COL28A1: variants seen among roughly 807,000 people sequenced by gnomAD.
COL28A1 encodes the protein collagen alpha-1(XXVIII) chain.
A neutral mutation model predicts 150.2 loss-of-function variants in COL28A1; 161 were observed. The ratio of observed to expected loss-of-function variants is 1.07; its 90% confidence interval spans 0.94 to 1.22. COL28A1 has a LOEUF of 1.22. Among genes scored for constraint, COL28A1 ranks in the 50% most tolerant of loss-of-function variants. The pLI is 0.00. For synonymous variants in COL28A1, 552 were observed against 469.7 expected (o/e 1.18, Z -2.26); for missense variants, 1,617 against 1,388.3 (o/e 1.16, Z -2.62).
In COL28A1 at chr7:7,426,992, A is replaced by G. The variant is rs114018787; in HGVS notation, c.1998+5481T>C. ...CAAGTCTGCATGATCAAAAATAACA[A>G]TATGTTTATGGTGATGTGGGCAATG... On this transcript the variant is annotated intron_variant, in intron 25 of 34. Coordinates refer to ENST00000399429, the MANE Select transcript of COL28A1 (RefSeq NM_001037763.3). 7.1e-3 allele frequency among the ~76,000 whole-genome samples: 1,080 copies of G among 152,300 alleles called. 18 individuals are homozygous for G. The highest frequency in any genetic ancestry group is 0.025 in the African/African-American group (1,032 of 41,560).
At position 7,515,664 on chromosome 7, in the gene COL28A1, G is replaced by T. The variant is rs142753370; in HGVS notation, c.882+150C>A. On this transcript the variant is annotated intron_variant, in intron 8 of 34. Transcript: ENST00000399429. ...CTTACAACACACATCCATATGTTAA[G>T]TTCTATTATTATTTTATGTTAACTC... The T allele has an allele frequency of 4.5e-3, 2,941 of 655,200 alleles. 9 individuals carry two copies. Among genetic ancestry groups the T allele is most frequent in the Non-Finnish European group, 6.3e-3 (2,292 of 364,086 alleles). The allele number at this position is 655,200 out of a possible 1,614,324, so 40.6% of individuals were successfully genotyped here. A position where few individuals can be genotyped will look rare whatever the true frequency, so the allele number is the denominator to read the frequency against.
intron 31 of COL28A1, 118 bp downstream of exon 31, chr7:7,375,343 C>A: frequency 1.1e-6 from 1 of 933,780 alleles, no homozygotes; most frequent in Non-Finnish European, 1.5e-6. Flanking sequence ...TTCAAATGAG[C>A]TTCACATTTT....
chr7:7,465,697 G>A (rs1302660717), intron 15 of COL28A1, among the ~76,000 whole-genome samples: 4 of 54,418 alleles, frequency 7.4e-5, no homozygotes, highest in East Asian at 5.0e-4. Flanking sequence ...GCAGACTTAA[G>A]TGTCCCTGTC....
chr7:7,482,180 T>A (rs1467340958), intron 13 of COL28A1, among the ~76,000 whole-genome samples: 1 of 152,206 alleles, frequency 6.6e-6, no homozygotes, highest in African/African-American at 2.4e-5. Context: ...TTCAGTAGAA[T>A]CTTTGTCAGC....
chr7:7,412,901 A>T (rs1026111916), intron 27 of COL28A1, among the ~76,000 whole-genome samples: 5 of 152,130 alleles, frequency 3.3e-5, no homozygotes, highest in African/African-American at 1.2e-4. Flanking sequence ...TAAGGTTACA[A>T]CTAGAAAAAA....
intron 3 of COL28A1, among the ~76,000 whole-genome samples, chr7:7,528,754 A>C (rs1782172433): frequency 6.6e-6 from 1 of 152,158 alleles, no homozygotes; most frequent in East Asian, 1.9e-4. Flanking sequence ...ACAAAGAGAT[A>C]TGAGGCAATT....
At chr7:7,502,390 A>G (rs962279314) in intron 11 of COL28A1, among the ~76,000 whole-genome samples, 7 of 152,220 alleles carry the variant, frequency 4.6e-5, no homozygotes, top group Non-Finnish European at 1.0e-4. Context: ...AAAATGGGCC[A>G]GGAGCACATT....
chr7:7,538,030 C>T (rs1400061436), upstream of COL28A1, among the ~76,000 whole-genome samples: 1 of 152,172 alleles, frequency 6.6e-6, no homozygotes, highest in African/African-American at 2.4e-5. Flanking sequence ...TGGAGTCCAA[C>T]TTAGTCATCC....
At chr7:7,451,220 T>A (rs922476989) in intron 18 of COL28A1, among the ~76,000 whole-genome samples, 2 of 151,986 alleles carry the variant, frequency 1.3e-5, no homozygotes, top group East Asian at 3.9e-4. Flanking sequence ...GTGAGTATAT[T>A]TGAAATACTT....
intron 27 of COL28A1, among the ~76,000 whole-genome samples, chr7:7,402,427 A>G (rs996713634): frequency 1.3e-5 from 2 of 152,194 alleles, no homozygotes; most frequent in Non-Finnish European, 2.9e-5. Context: ...CTCTTTGTTC[A>G]ATACTTTTAT....
intron 27 of COL28A1, among the ~76,000 whole-genome samples, chr7:7,401,881 T>C (rs893104296): frequency 6.6e-6 from 1 of 152,170 alleles, no homozygotes; most frequent in Non-Finnish European, 1.5e-5. Flanking sequence ...TCCTCAAATA[T>C]GGCAGGCATG....
chr7:7,453,493 T>C lies in COL28A1; in HGVS notation c.1387A>G (p.Ile463Val), dbSNP rs577614330. Reference sequence around the variant, plus strand: ...GGCCCTTGTGGACCAGGTGGACCAATAGGACCTTGGATTCCCTTTAAAATA... The same window carrying C: ...GGCCCTTGTGGACCAGGTGGACCAACAGGACCTTGGATTCCCTTTAAAATA... ...SQGEQGIQGPIGPPGPQGPAG... is the reference protein window; with the variant it reads ...SQGEQGIQGPVGPPGPQGPAG... The change falls in exon 17 of 35, where the codon ATT becomes GTT. Residue 463 changes from isoleucine to valine, a missense_variant. Physicochemically the swap from Ile to Val is conservative, Grantham distance 29 (BLOSUM62 3). Coordinates refer to ENST00000399429, the MANE Select transcript of COL28A1 (RefSeq NM_001037763.3). 108 of 1,166,594 alleles carry C rather than the reference T, an allele frequency of 9.3e-5. 3 individuals carry two copies. The South Asian group carries it at 1.1e-3, about 11-fold the overall frequency. The allele number at this position is 1,166,594 out of a possible 1,614,324, so 72.3% of individuals were successfully genotyped here.
At chr7:7,471,196 C>G (rs534455598) in intron 15 of COL28A1, among the ~76,000 whole-genome samples, 1 of 139,812 alleles carries the variant, frequency 7.2e-6, no homozygotes, top group African/African-American at 2.7e-5. Flanking sequence ...ATACTCTTAA[C>G]AGACCAATAA....
At chr7:7,486,339 G>C (rs1480378030) in intron 13 of COL28A1, among the ~76,000 whole-genome samples, 1 of 152,084 alleles carries the variant, frequency 6.6e-6, no homozygotes, top group African/African-American at 2.4e-5. Context: ...GGAGGTTTTT[G>C]TATAGATTTC....
chr7:7,455,960 T>C (rs1430206607), intron 16 of COL28A1, 84 bp downstream of exon 16: 20 of 1,567,070 alleles, frequency 1.3e-5, no homozygotes, highest in Non-Finnish European at 2.6e-6. Context: ...TACTCATAGA[T>C]GTTTGCAGGA....
the COL28A1 span, among the ~76,000 whole-genome samples, chr7:7,345,860 C>T: frequency 6.6e-6 from 1 of 151,992 alleles, no homozygotes; most frequent in Non-Finnish European, 1.5e-5. Flanking sequence ...TTAGCATATT[C>T]ACCCTGCTTG....
chr7:7,385,147 G>A (rs1782105345), intron 27 of COL28A1, among the ~76,000 whole-genome samples: 1 of 152,190 alleles, frequency 6.6e-6, no homozygotes, highest in Non-Finnish European at 1.5e-5. Context: ...AAATAGTATA[G>A]GAACGATATC....
rs1259859141 is a variant in COL28A1, at chr7:7,381,454, G to A, written c.2205+90C>T. On this transcript the variant is annotated intron_variant, in intron 28 of 34. Coordinates refer to ENST00000399429, the MANE Select transcript of COL28A1 (RefSeq NM_001037763.3). ...TCTTCTGAGAGTTGTAAGGGGAAGA[G>A]TGACACATATATGAGAGTTCTTCCA... 6 of 860,698 alleles carry A rather than the reference G, an allele frequency of 7.0e-6. No homozygotes were observed. In the Admixed American group the frequency reaches 1.1e-4, roughly 16 times the overall value. 53.3% of individuals were successfully genotyped at this position (860,698 alleles called of 1,614,324 possible).
chr7:7,455,803 A>G (rs1562710099), intron 16 of COL28A1, among the ~76,000 whole-genome samples: 1 of 152,272 alleles, frequency 6.6e-6, no homozygotes, highest in Non-Finnish European at 1.5e-5. Flanking sequence ...TTAGGTTTTA[A>G]TGTTAAAAGT....
Sources: allele counts gnomAD v4.1 joint callset (sites outside exome capture counted in the v4.1 genomes callset), GRCh38; gene constraint gnomAD v4.1.1; transcripts MANE v1.5; gene names NCBI Gene and HGNC (gene_info 2026-07-23, HGNC 2026-07-21).